Variants in MCUB observed in about 807,000 individuals in gnomAD.
MCUB encodes mitochondrial calcium uniporter dominant negative subunit beta, also known as calcium uniporter regulatory subunit MCUb, mitochondrial.
In MCUB, 46 loss-of-function variants were observed where a neutral mutation model predicts 41.4. The observed-to-expected ratio is 1.11, with a 90% confidence interval of 0.88 to 1.42. The LOEUF (loss-of-function observed/expected upper bound fraction) is 1.42. Among genes scored for constraint, MCUB ranks in the 40% most tolerant of loss-of-function variants. The pLI is 0.00. For synonymous variants in MCUB, 148 were observed against 148.2 expected (o/e 1.00, Z 0.01); for missense variants, 403 against 404.9 (o/e 1.00, Z 0.04).
intron 4 of MCUB, among the ~76,000 whole-genome samples, chr4:109,681,260 G>A (rs1729709923): frequency 6.6e-6 from 1 of 152,128 alleles, no homozygotes; most frequent in African/African-American, 2.4e-5. Context: ...GTTGTGACAA[G>A]TCAAAGGAAA....
At chr4:109,598,466 C>T (rs989866806) in intron 1 of MCUB, among the ~76,000 whole-genome samples, 2 of 151,904 alleles carry the variant, frequency 1.3e-5, no homozygotes, top group Non-Finnish European at 2.9e-5. Flanking sequence ...CGTGGCAGCG[C>T]GTGCCTGCAA....
At chr4:109,586,674 C>T (rs1423198975) in intron 1 of MCUB, among the ~76,000 whole-genome samples, 2 of 152,128 alleles carry the variant, frequency 1.3e-5, no homozygotes, top group African/African-American at 4.8e-5. Context: ...GATGCTATTC[C>T]TTTCTGTTTG....
In MCUB at chr4:109,570,781, C is replaced by T. The variant is rs191713605; in HGVS notation, c.99+10345C>T. 1.1e-3 allele frequency among the ~76,000 whole-genome samples: 171 copies of T among 152,196 alleles called. 3 individuals are homozygous for T. The highest frequency in any genetic ancestry group is 3.9e-3 in the African/African-American group (164 of 41,532). On this transcript the variant is annotated intron_variant, in intron 1 of 7. Coordinates refer to ENST00000394650, the MANE Select transcript of MCUB (RefSeq NM_017918.5). ...TAAGTACGTTAATAAGGACCAATTA[C>T]GAAGTCATGGTTATTGTACATGGAG...
intron 1 of MCUB, among the ~76,000 whole-genome samples, chr4:109,614,989 T>G (rs980266243): frequency 6.6e-6 from 1 of 152,184 alleles, no homozygotes; most frequent in Admixed American, 6.5e-5. Context: ...ACCTTAGGAT[T>G]TGACAGAACA....
At chr4:109,607,802 T>C (rs796877652) in intron 1 of MCUB, among the ~76,000 whole-genome samples, 16 of 152,368 alleles carry the variant, frequency 1.1e-4, no homozygotes, top group African/African-American at 3.4e-4. Flanking sequence ...TTTCTCTTGC[T>C]GCTTTTAGGA....
At chr4:109,635,500 G>C (rs1190891518) in intron 1 of MCUB, among the ~76,000 whole-genome samples, 1 of 152,146 alleles carries the variant, frequency 6.6e-6, no homozygotes, top group Non-Finnish European at 1.5e-5. Context: ...ATATTAAAAG[G>C]CTAGGGTAGG....
At chr4:109,633,854 A>G (rs1330937532) in intron 1 of MCUB, among the ~76,000 whole-genome samples, 1 of 152,092 alleles carries the variant, frequency 6.6e-6, no homozygotes, top group African/African-American at 2.4e-5. Context: ...ATATGTTCTT[A>G]TCTAAGAGAC....
chr4:109,610,411 T>C (rs1401444299), intron 1 of MCUB, among the ~76,000 whole-genome samples: 1 of 152,344 alleles, frequency 6.6e-6, no homozygotes, highest in Non-Finnish European at 1.5e-5. Context: ...TCTCCTATTA[T>C]ATCTTTTAAT....
intron 1 of MCUB, among the ~76,000 whole-genome samples, chr4:109,609,431 G>C (rs938890422): frequency 2.0e-5 from 3 of 152,186 alleles, no homozygotes; most frequent in Non-Finnish European, 4.4e-5. Context: ...TGGGAGTGTA[G>C]CAGTGAGGAT....
intron 1 of MCUB, among the ~76,000 whole-genome samples, chr4:109,596,998 A>G (rs1361890834): frequency 6.6e-6 from 1 of 151,896 alleles, no homozygotes; most frequent in Non-Finnish European, 1.5e-5. Flanking sequence ...CCCTTAATCC[A>G]TTTAACCCTG....
chr4:109,639,096 A>G (rs1728661927), intron 1 of MCUB, among the ~76,000 whole-genome samples: 1 of 152,198 alleles, frequency 6.6e-6, no homozygotes, highest in African/African-American at 2.4e-5. Context: ...AATGGTATCT[A>G]GAATGGTGAA....
chr4:109,641,255 G>C (rs955098821), intron 1 of MCUB, among the ~76,000 whole-genome samples: 5 of 140,544 alleles, frequency 3.6e-5, no homozygotes, highest in Non-Finnish European at 7.6e-5. Context: ...ATAACACCCG[G>C]CTACTTTTTG....
At chr4:109,655,551 G>A (rs990885579) in intron 1 of MCUB, among the ~76,000 whole-genome samples, 2 of 151,966 alleles carry the variant, frequency 1.3e-5, no homozygotes, top group Non-Finnish European at 2.9e-5. Flanking sequence ...TCAATCGCTC[G>A]TGAAATTCCA....
At chr4:109,645,218 T>C (rs1292780262) in intron 1 of MCUB, among the ~76,000 whole-genome samples, 1 of 152,146 alleles carries the variant, frequency 6.6e-6, no homozygotes, top group African/African-American at 2.4e-5. Context: ...TATCTTAAAT[T>C]AGTGTTCCTT....
At chr4:109,675,528 C>T (rs1729556246) in intron 4 of MCUB, among the ~76,000 whole-genome samples, 1 of 152,164 alleles carries the variant, frequency 6.6e-6, no homozygotes, top group South Asian at 2.1e-4. Context: ...AGCTCAGTAC[C>T]CTCTGGAAAA....
chr4:109,589,609 C>CCCT (rs2126128319), intron 1 of MCUB, among the ~76,000 whole-genome samples: 1 of 152,252 alleles, frequency 6.6e-6, no homozygotes, highest in Admixed American at 6.5e-5. Context: ...TGAATTGAGT[C>CCCT]CCTTCAGTAG....
At chr4:109,583,592 A>G (rs1244443802) in intron 1 of MCUB, among the ~76,000 whole-genome samples, 4 of 152,176 alleles carry the variant, frequency 2.6e-5, no homozygotes, top group Non-Finnish European at 4.4e-5. Flanking sequence ...AGAACTTCCA[A>G]CACTGTGTTG....
chr4:109,599,974 T>A (rs1727691005), intron 1 of MCUB, among the ~76,000 whole-genome samples: 2 of 152,158 alleles, frequency 1.3e-5, no homozygotes, highest in South Asian at 4.1e-4. Context: ...CCCATGTTGA[T>A]ATTTAGAGTC....
chr4:109,609,711 T>C (rs1270592517), intron 1 of MCUB, among the ~76,000 whole-genome samples: 1 of 152,150 alleles, frequency 6.6e-6, no homozygotes, highest in South Asian at 2.1e-4. Flanking sequence ...GGGACTGTGC[T>C]GGCTCAGACC....
Sources: gnomAD v4.1 joint callset for allele counts (sites outside exome capture counted in the v4.1 genomes callset) on GRCh38, gnomAD v4.1.1 for gene constraint, MANE v1.5 for transcripts, NCBI Gene and HGNC (gene_info 2026-07-23, HGNC 2026-07-21) for gene names.